SPATA7: variants seen among roughly 807,000 people sequenced by gnomAD.
The protein encoded by SPATA7 is spermatogenesis-associated protein 7.
Under a neutral mutation model 51.8 loss-of-function variants are expected in SPATA7, and 43 were observed. That is an observed-to-expected ratio of 0.83 (90% CI 0.65 to 1.07). The LOEUF is 1.07. Ranked by LOEUF, SPATA7 falls within the 50% of genes least tolerant of loss-of-function variation. The probability of loss-of-function intolerance (pLI) is 0.00; values close to 1 mark genes in which losing one functional copy is unlikely to be tolerated. For missense variants in SPATA7, 683 were observed against 701.3 expected (o/e 0.97, Z 0.30); for synonymous variants, 230 against 252.8 (o/e 0.91, Z 0.86).
In SPATA7 at chr14:88,409,343, T is replaced by G. The variant is rs373468243; in HGVS notation, c.239-7368T>G. On this transcript the variant is annotated intron_variant, in intron 4 of 11. Transcript: ENST00000393545. Reference sequence around the variant, plus strand: ...CAGGAGGATGTATGTGTCCAGGAATTTATCCATTTCTTCTAGATTTTCTAA... The same window carrying G: ...CAGGAGGATGTATGTGTCCAGGAATGTATCCATTTCTTCTAGATTTTCTAA... 1.1e-4 allele frequency among the ~76,000 whole-genome samples: 17 copies of G among 152,330 alleles called. No homozygotes were observed. In the East Asian group the frequency reaches 3.3e-3, roughly 29 times the overall value.
chr14:88,435,173 A>G (rs1345669078), intron 10 of SPATA7, among the ~76,000 whole-genome samples: 12 of 152,322 alleles, frequency 7.9e-5, no homozygotes, highest in Non-Finnish European at 2.9e-5. Context: ...TCAGAACTAG[A>G]GGTAAAATGA....
Position 88,426,666 on chromosome 14 carries a change from AG to A in SPATA7, c.808del (p.Asp270IlefsTer4), listed in dbSNP as rs1336053770. ...TPAKRKKDFT[D>X]QRIEAETQTE... ...CTGCCAAAAGAAAAAAGGATTTTAC[AG>A]ATCAACGGATAGAAGCTGAAACCCA... On this transcript the variant is annotated frameshift_variant, in exon 6 of 12. Transcript: ENST00000393545. LOFTEE classifies it high-confidence loss of function. 4 of 1,613,594 alleles carry A rather than the reference AG, an allele frequency of 2.5e-6. No individual in the cohort carries two copies. The highest frequency in any genetic ancestry group is 3.4e-6 in the Non-Finnish European group (4 of 1,180,050).
intron 4 of SPATA7, chr14:88,468,201 A>T: frequency 6.2e-7 from 1 of 1,612,470 alleles, no homozygotes; most frequent in South Asian, 1.1e-5. Context: ...GTACTGGCAG[A>T]GAGTCTGCAC....
chr14:88,426,086 T>C, intron 5 of SPATA7, 146 bp from the exon 6 acceptor site: 1 of 657,588 alleles, frequency 1.5e-6, no homozygotes, highest in Non-Finnish European at 2.7e-6. Flanking sequence ...TGACTAGAAC[T>C]TCAGATAAAA....
In SPATA7 at chr14:88,460,871, G is replaced by A. The variant is rs545254832; in HGVS notation, c.255-8976G>A. ...ATCTCTGCTCTTTGATGATGGTGAC[G>A]TACAGATGGGGTTTTGATGTGGATG... On this transcript the variant is annotated intron_variant, in intron 4 of 4. Coordinates refer to the SPATA7 transcript ENST00000556406. 5.7e-4 allele frequency among the ~76,000 whole-genome samples: 87 copies of A among 152,234 alleles called. 1 individual carries two copies. Among genetic ancestry groups the A allele is most frequent in the African/African-American group, 1.4e-3 (60 of 41,546 alleles).
chr14:88,467,462 G>T (rs892916068), intron 4 of SPATA7: 1 of 151,374 alleles, frequency 6.6e-6, no homozygotes, highest in Non-Finnish European at 1.5e-5. Flanking sequence ...AATGAATTGA[G>T]CTCTCATTTG....
intron 3 of SPATA7, among the ~76,000 whole-genome samples, chr14:88,395,295 T>G (rs1290585910): frequency 1.4e-5 from 2 of 141,828 alleles, no homozygotes; most frequent in Non-Finnish European, 2.9e-5. Context: ...TTTTAAATTT[T>G]TATTTTCTCA....
At chr14:88,425,995 C>CT (rs1043471102) in intron 5 of SPATA7, among the ~76,000 whole-genome samples, 1 of 152,106 alleles carries the variant, frequency 6.6e-6, no homozygotes, top group African/African-American at 2.4e-5. Context: ...TGTTATTCAT[C>CT]TTTTTTTCGT....
At chr14:88,434,687 GAAAAAAAAA>G in intron 10 of SPATA7, among the ~76,000 whole-genome samples, 1 of 56,958 alleles carries the variant, frequency 1.8e-5, no homozygotes, top group East Asian at 4.4e-4. Flanking sequence ...CTCTGTCTCA[GAAAAAAAAA>G]AAAAAAGAAA....
rs1192172919 is a variant in SPATA7, at chr14:88,385,791, C to T, written c.-28C>T. On this transcript the variant is annotated 5_prime_UTR_variant, in exon 1 of 12. Transcript: ENST00000393545. ...AAGGACCGAAGGGGATACAGCGTGT[C>T]CCTGCGGCGGCTGCAAGAGGACTAA... The T allele has an allele frequency of 1.3e-6, 2 of 1,599,710 alleles. No homozygotes were observed. The highest frequency in any genetic ancestry group is 1.3e-5 in the African/African-American group (1 of 74,960).
downstream of SPATA7, among the ~76,000 whole-genome samples, chr14:88,441,318 G>A (rs1174796792): frequency 6.6e-6 from 1 of 152,168 alleles, no homozygotes; most frequent in African/African-American, 2.4e-5. Flanking sequence ...GCGTGTGCAA[G>A]TTATCTTTTT....
chr14:88,434,114 G>C (rs2077012237), intron 10 of SPATA7, among the ~76,000 whole-genome samples: 1 of 151,986 alleles, frequency 6.6e-6, no homozygotes, highest in African/African-American at 2.4e-5. Context: ...GATAAGTTTG[G>C]TTAGTTTTTG....
At chr14:88,446,046 G>A (rs2077209729) in intron 3 of SPATA7, among the ~76,000 whole-genome samples, 1 of 152,178 alleles carries the variant, frequency 6.6e-6, no homozygotes, top group African/African-American at 2.4e-5. Flanking sequence ...GATTGGAATA[G>A]TTTCAGAAGG....
In SPATA7 at chr14:88,469,163, TAA is replaced by T; in HGVS notation, c.255-683_255-682del. ...CAATCTTCATATTCTCTCCACTGAT[TAA>T]GAGGACTGCAGATAAAGAGCACTGG... On this transcript the variant is annotated intron_variant, in intron 4 of 4. Transcript: ENST00000556406. This position sits in a 1 kb window ranked among gnomAD's most constrained non-coding sequence, Gnocchi z 4.3. 1 of 1,401,692 alleles carries T rather than the reference TAA, an allele frequency of 7.1e-7. No individual in the cohort carries two copies. Among genetic ancestry groups the T allele is most frequent in the East Asian group, 2.4e-5 (1 of 41,820 alleles). The allele number at this position is 1,401,692 out of a possible 1,614,324, so 86.8% of individuals were successfully genotyped here. A position where few individuals can be genotyped will look rare whatever the true frequency, so the allele number is the denominator to read the frequency against.
chr14:88,417,993 T>C (rs1016886027), intron 5 of SPATA7, among the ~76,000 whole-genome samples: 6 of 152,236 alleles, frequency 3.9e-5, no homozygotes, highest in African/African-American at 1.4e-4. Flanking sequence ...TAAGTCATTA[T>C]AGAATGATTT....
At position 88,469,833 on chromosome 14, in the gene SPATA7, C is replaced by CT; in HGVS notation, c.255-9dup. 5.6e-6 allele frequency: 9 copies of CT among 1,605,544 alleles called. No homozygotes were observed. The highest frequency in any genetic ancestry group is 7.7e-6 in the Non-Finnish European group (9 of 1,172,442). ...AAACAGAACCACAACCCTACCCTGC[C>CT]TTTTTCTCCACAGGTCAGGATTCCA... On this transcript the variant is annotated splice_polypyrimidine_tract_variant and intron_variant, in intron 4 of 4. Transcript: ENST00000556406. This position sits in a 1 kb window ranked among gnomAD's most constrained non-coding sequence, Gnocchi z 4.3.
At chr14:88,424,060 G>A (rs1419594456) in intron 5 of SPATA7, among the ~76,000 whole-genome samples, 3 of 152,160 alleles carry the variant, frequency 2.0e-5, no homozygotes, top group East Asian at 1.9e-4. Flanking sequence ...AACAAACCTC[G>A]TAAACTAAGA....
intron 5 of SPATA7, among the ~76,000 whole-genome samples, chr14:88,420,836 C>T (rs1023709393): frequency 6.6e-6 from 1 of 152,108 alleles, no homozygotes; most frequent in African/African-American, 2.4e-5. Context: ...TAATAACAGG[C>T]TGGGTGTGGT....
chr14:88,463,959 T>C (rs1026100133), intron 4 of SPATA7, among the ~76,000 whole-genome samples: 3 of 152,032 alleles, frequency 2.0e-5, no homozygotes, highest in African/African-American at 7.2e-5. Context: ...GCAATTCTCC[T>C]GCCTCAGCCT....
Sources: allele counts gnomAD v4.1 joint callset (sites outside exome capture counted in the v4.1 genomes callset), GRCh38; gene constraint gnomAD v4.1.1; non-coding constraint Gnocchi (gnomAD v3.1); transcripts MANE v1.5; gene names NCBI Gene and HGNC (gene_info 2026-07-23, HGNC 2026-07-21).